The following CLIC5 variants were observed in gnomAD, a reference collection of about 807,000 sequenced individuals.
CLIC5 encodes the protein chloride intracellular channel protein 5.
CLIC5 carries 20 observed loss-of-function variants against 24.7 expected under a neutral mutation model. The ratio of observed to expected loss-of-function variants is 0.81; its 90% CI spans 0.57 to 1.18. The LOEUF is 1.18. Among genes scored for constraint, CLIC5 ranks in the 50% most tolerant of loss-of-function variants. CLIC5 has a pLI of 0.00. For synonymous variants in CLIC5, 159 were observed against 135.6 expected, an observed-to-expected ratio of 1.17 and a Z score of -1.20; for missense variants, 341 against 326.1, an observed-to-expected ratio of 1.05 and a Z score of -0.35.
rs968647368 is a variant in CLIC5 at position 46,022,046 on chromosome 6, C to T, written c.540+57657G>A. On this transcript the variant is annotated intron_variant, in intron 1 of 5. Transcript: ENST00000185206. ...ATCTGTAACATCAGACCTCATCTTA[C>T]CATTAATTTCAGAAATGTAAAAGAG... Among the ~76,000 whole-genome samples the T allele has an allele frequency of 3.7e-4, 56 of 152,304 alleles. 1 individual carries two copies. The highest frequency in any genetic ancestry group is 1.5e-4 in the Non-Finnish European group (10 of 68,024).
chr6:46,043,497 C>G (rs1170146200), intron 1 of CLIC5, among the ~76,000 whole-genome samples: 2 of 152,182 alleles, frequency 1.3e-5, no homozygotes, highest in Non-Finnish European at 2.9e-5. Context: ...GGAAGTATAA[C>G]AGGTCAACTT....
the CLIC5 span, among the ~76,000 whole-genome samples, chr6:46,108,878 C>T: frequency 1.3e-5 from 2 of 152,026 alleles, no homozygotes; most frequent in African/African-American, 4.8e-5. Flanking sequence ...GATCTTTGGC[C>T]TAAAATTAAC....
chr6:45,935,969 C>T (rs557185060), intron 4 of CLIC5, among the ~76,000 whole-genome samples: 1 of 152,160 alleles, frequency 6.6e-6, no homozygotes, highest in Non-Finnish European at 1.5e-5. Flanking sequence ...GCTTTCCCAT[C>T]TTTATGCCCT....
At chr6:46,011,327 C>T (rs1317204958) in intron 1 of CLIC5, among the ~76,000 whole-genome samples, 2 of 152,210 alleles carry the variant, frequency 1.3e-5, no homozygotes, top group Non-Finnish European at 2.9e-5. Flanking sequence ...TCAGCATTAG[C>T]AAGGCCACCT....
At chr6:46,078,354 T>C (rs1005142441) in intron 1 of CLIC5, among the ~76,000 whole-genome samples, 2 of 144,110 alleles carry the variant, frequency 1.4e-5, no homozygotes, top group African/African-American at 5.1e-5. Flanking sequence ...AGTGAGACTC[T>C]GTCTCAAAAA....
chr6:45,922,830 A>AGAGAGAGAGG, intron 4 of CLIC5, among the ~76,000 whole-genome samples: 1 of 147,272 alleles, frequency 6.8e-6, no homozygotes, highest in Non-Finnish European at 1.5e-5. Context: ...AGAAAGAGAG[A>AGAGAGAGAGG]GAGATAGAGA....
chr6:45,954,266 C>G (rs1297705793), intron 2 of CLIC5, among the ~76,000 whole-genome samples: 1 of 114,948 alleles, frequency 8.7e-6, no homozygotes, highest in Non-Finnish European at 1.7e-5. Context: ...GAGTGAGACT[C>G]TGTCTCAAAA....
intron 1 of CLIC5, among the ~76,000 whole-genome samples, chr6:45,996,969 A>G (rs1160969227): frequency 8.5e-5 from 13 of 152,134 alleles, no homozygotes; most frequent in African/African-American, 3.1e-4. Flanking sequence ...ATCTAGAACT[A>G]GAAATACCAT....
intron 1 of CLIC5, among the ~76,000 whole-genome samples, chr6:46,021,597 A>C (rs1767185639): frequency 6.6e-6 from 1 of 152,270 alleles, no homozygotes; most frequent in Non-Finnish European, 1.5e-5. Flanking sequence ...TATATCACTT[A>C]GCGATAAAAA....
At chr6:45,912,228 G>A (rs1380946055) in intron 5 of CLIC5, 31 of 987,714 alleles carry the variant, frequency 3.1e-5, no homozygotes, top group Non-Finnish European at 3.6e-5. Flanking sequence ...AGGTTTCTGG[G>A]ATCTGATAAG....
chr6:45,993,678 G>A (rs1419043314), intron 1 of CLIC5, among the ~76,000 whole-genome samples: 1 of 152,174 alleles, frequency 6.6e-6, no homozygotes, highest in Non-Finnish European at 1.5e-5. Context: ...CATAACAGAG[G>A]TACTGACCAC....
chr6:45,888,851 C>T (rs190392188), intron 6 of CLIC5, among the ~76,000 whole-genome samples: 1 of 152,146 alleles, frequency 6.6e-6, no homozygotes, highest in African/African-American at 2.4e-5. Context: ...ATTCTGTGTT[C>T]CCTTAATTTT....
chr6:45,999,762 G>A lies in CLIC5; in HGVS notation c.63+15718C>T, dbSNP rs1444138298. Among the ~76,000 whole-genome samples the A allele has an allele frequency of 1.1e-4, 2 of 18,562 alleles. 1 individual carries two copies. 12.2% of individuals were successfully genotyped at this position (18,562 alleles called of 152,430 possible). On this transcript the variant is annotated intron_variant, in intron 1 of 5. Coordinates refer to ENST00000339561, the MANE Select transcript of CLIC5 (RefSeq NM_016929.5). ...TTTTTTTTTTTTTTTTTTTTGAGACGGAGTCTCGCTCTGTCGCCCAGGCAG... is the reference window on the plus strand; with the variant it reads ...TTTTTTTTTTTTTTTTTTTTGAGACAGAGTCTCGCTCTGTCGCCCAGGCAG...
intron 1 of CLIC5, among the ~76,000 whole-genome samples, chr6:46,032,586 C>T (rs755129629): frequency 2.0e-5 from 3 of 152,238 alleles, no homozygotes; most frequent in Admixed American, 6.5e-5. Context: ...ATCCCTCAGG[C>T]TATGTGTGCT....
intron 1 of CLIC5, among the ~76,000 whole-genome samples, chr6:46,027,477 T>C (rs1205043507): frequency 6.6e-6 from 1 of 152,208 alleles, no homozygotes; most frequent in Non-Finnish European, 1.5e-5. Context: ...CCTTTTCCTA[T>C]GTAATTATAT....
At chr6:46,085,963 C>G in the CLIC5 span, among the ~76,000 whole-genome samples, 1 of 152,234 alleles carries the variant, frequency 6.6e-6, no homozygotes, top group Non-Finnish European at 1.5e-5. Context: ...TGCCCCTCCC[C>G]CAGCCTCGCT....
chr6:45,913,687 T>A, intron 5 of CLIC5: 6 of 796,914 alleles, frequency 7.5e-6, no homozygotes, highest in Non-Finnish European at 1.0e-5. Flanking sequence ...CTGCAAATGG[T>A]TAGTAAGTGC....
chr6:46,050,541 C>G (rs1245313386), intron 1 of CLIC5, among the ~76,000 whole-genome samples: 1 of 152,200 alleles, frequency 6.6e-6, no homozygotes, highest in Non-Finnish European at 1.5e-5. Context: ...GAGTTACTAA[C>G]AGATGCCAAA....
chr6:46,091,692 C>G, the CLIC5 span, among the ~76,000 whole-genome samples: 1 of 152,162 alleles, frequency 6.6e-6, no homozygotes, highest in Non-Finnish European at 1.5e-5. Context: ...GAGCCATGTT[C>G]ATACCAAAAA....
Sources: allele counts gnomAD v4.1 joint callset (sites outside exome capture counted in the v4.1 genomes callset), GRCh38; gene constraint gnomAD v4.1.1; transcripts MANE v1.5; gene names NCBI Gene and HGNC (gene_info 2026-07-23, HGNC 2026-07-21).